Variants in BCL2L14 observed in about 807,000 individuals in gnomAD.
The protein encoded by BCL2L14 is BCL2 like 14.
Under a neutral mutation model 35.3 loss-of-function variants are expected in BCL2L14, and 27 were observed. That is an observed-to-expected ratio of 0.76 (90% CI 0.56 to 1.05). The LOEUF is 1.05. Among genes scored for constraint, BCL2L14 ranks in the 50% least tolerant of loss-of-function variants. BCL2L14 has a pLI of 0.00. For missense variants in BCL2L14, 377 were observed against 382.6 expected (o/e 0.99, Z 0.12); for synonymous variants, 139 against 145.9 (o/e 0.95, Z 0.34).
intron 2 of BCL2L14, among the ~76,000 whole-genome samples, chr12:12,057,313 CAAAT>C (rs1402998980): frequency 6.6e-6 from 1 of 152,158 alleles, no homozygotes; most frequent in African/African-American, 2.4e-5. Flanking sequence ...TAATCAAAAG[CAAAT>C]AAATAAGCAT....
At chr12:12,092,432 C>T (rs1009853314) in intron 4 of BCL2L14, among the ~76,000 whole-genome samples, 2 of 152,146 alleles carry the variant, frequency 1.3e-5, no homozygotes, top group South Asian at 2.1e-4. Context: ...TTGTGCTGGG[C>T]GGGTGCCAAG....
chr12:12,051,650 ATCTTCTC>A (rs780183163), intron 1 of BCL2L14: 1 of 152,214 alleles, frequency 6.6e-6, no homozygotes, highest in South Asian at 2.1e-4. Context: ...TTCCTCCTAA[ATCTTCTC>A]TCTTCTAAGA....
intron 2 of BCL2L14, among the ~76,000 whole-genome samples, chr12:12,060,903 G>A (rs182937000): frequency 0.86 from 41,445 of 48,270 alleles, 19,027 homozygotes; most frequent in East Asian, 0.99. Context: ...CATCACAGAT[G>A]CCGAGCTTTA....
At chr12:12,072,118 A>G (rs1232392951) in intron 1 of BCL2L14, 1 of 152,296 alleles carries the variant, frequency 6.6e-6, no homozygotes, top group Admixed American at 6.5e-5. Context: ...AGGCAGAGGC[A>G]CAGCGAACCA....
chr12:12,095,624 A>T, intron 5 of BCL2L14: 2 of 985,372 alleles, frequency 2.0e-6, no homozygotes, highest in Non-Finnish European at 2.4e-6. Flanking sequence ...CAACAGGCCT[A>T]GGCATTCCTA....
At chr12:12,065,711 C>T (rs1433873828) in intron 2 of BCL2L14, among the ~76,000 whole-genome samples, 1 of 151,984 alleles carries the variant, frequency 6.6e-6, no homozygotes, top group Middle Eastern at 3.2e-3. Context: ...GCTTAAGAGT[C>T]CAGAGTTGTC....
At chr12:12,088,839 A>C (rs1949104589) in intron 3 of BCL2L14, among the ~76,000 whole-genome samples, 1 of 152,138 alleles carries the variant, frequency 6.6e-6, no homozygotes, top group South Asian at 2.1e-4. Flanking sequence ...GGCTCAGGGG[A>C]CCGTGTGAAG....
At chr12:12,066,338 G>C (rs2900235), upstream of BCL2L14, among the ~76,000 whole-genome samples, 9,063 of 152,164 alleles carry the variant, frequency 0.06, 282 homozygotes, top group African/African-American at 0.073. Flanking sequence ...AAGGATAAAT[G>C]TCAAACCCCA....
At chr12:12,069,141 T>TA (rs1218230030), upstream of BCL2L14, among the ~76,000 whole-genome samples, 1 of 152,182 alleles carries the variant, frequency 6.6e-6, no homozygotes, top group Non-Finnish European at 1.5e-5. Flanking sequence ...TTGGTTTTGA[T>TA]AGATTTGGGC....
chr12:12,057,486 G>C (rs948431982), intron 2 of BCL2L14, among the ~76,000 whole-genome samples: 1 of 152,130 alleles, frequency 6.6e-6, no homozygotes, highest in Non-Finnish European at 1.5e-5. Context: ...AGCCGGGCTC[G>C]GTGGCTCACG....
At chr12:12,062,722 T>G (rs1306529521) in intron 2 of BCL2L14, among the ~76,000 whole-genome samples, 1 of 152,138 alleles carries the variant, frequency 6.6e-6, no homozygotes, top group Non-Finnish European at 1.5e-5. Context: ...GCCACCGCAG[T>G]CATTTCTTCC....
intron 2 of BCL2L14, among the ~76,000 whole-genome samples, chr12:12,057,039 T>C (rs1400778691): frequency 7.5e-6 from 1 of 133,274 alleles, no homozygotes; most frequent in Non-Finnish European, 1.8e-5. Context: ...GCAAATATTT[T>C]ATTTAACTAA....
chr12:12,098,329 A>C (rs925856682), intron 5 of BCL2L14, among the ~76,000 whole-genome samples: 1 of 152,210 alleles, frequency 6.6e-6, no homozygotes, highest in African/African-American at 2.4e-5. Context: ...ATTTCATATG[A>C]GTACATCTCA....
At chr12:12,088,152 G>A (rs1238521343) in intron 3 of BCL2L14, among the ~76,000 whole-genome samples, 3 of 152,166 alleles carry the variant, frequency 2.0e-5, no homozygotes, top group East Asian at 3.8e-4. Context: ...TGAGTTTAGC[G>A]GCAGAGGTTT....
chr12:12,079,687 C>G lies in BCL2L14; in HGVS notation c.382C>G (p.Gln128Glu). ...GTTGGAATACCAAGATTCGCACAGC[C>G]AGCAGTGGTCCAGGTGTCTTTCTAA... The part of the protein sequence containing the change: ...RTLEYQDSHS[Q>E]QWSRCLSNVE... Residue 128 changes from glutamine (Q) to glutamate (E), a missense_variant, in exon 2 of 6, where the codon CAG (glutamine) becomes GAG (glutamate). Transcript: ENST00000308721. 1 of 1,614,208 alleles carries G rather than the reference C, an allele frequency of 6.2e-7. No homozygotes were observed. Among genetic ancestry groups the G allele is most frequent in the Non-Finnish European group, 8.5e-7 (1 of 1,180,052 alleles).
At chr12:12,089,525 A>C (rs1162652245) in intron 3 of BCL2L14, among the ~76,000 whole-genome samples, 4 of 152,030 alleles carry the variant, frequency 2.6e-5, no homozygotes, top group Middle Eastern at 3.4e-3. Flanking sequence ...GCAAAACCCT[A>C]TCTCTACTAA....
intron 4 of BCL2L14, among the ~76,000 whole-genome samples, chr12:12,094,259 T>C (rs1312896310): frequency 6.6e-6 from 1 of 152,170 alleles, no homozygotes; most frequent in Non-Finnish European, 1.5e-5. Flanking sequence ...GCCAAGACAG[T>C]GATTCCTAAG....
intron 2 of BCL2L14, among the ~76,000 whole-genome samples, chr12:12,082,674 T>G (rs1000030616): frequency 4.6e-5 from 7 of 152,318 alleles, no homozygotes; most frequent in African/African-American, 1.7e-4. Flanking sequence ...TTAGGTGATG[T>G]GTTAATGTGC....
rs767319962 is a variant in BCL2L14, at chr12:12,094,979, T to C, written c.945+49T>C. The C allele has an allele frequency of 1.0e-5, 16 of 1,552,162 alleles. No individual in the cohort carries two copies. The South Asian group carries it at 1.8e-4, about 18-fold the overall frequency. On this transcript the variant is annotated intron_variant, in intron 5 of 5. Coordinates refer to ENST00000308721, the MANE Select transcript of BCL2L14 (RefSeq NM_138723.2). ...AAATTTTCTCAGAACTCAGAAGAGA[T>C]GGGATGGATTTTTTTTTTTTTTTTA...
Sources: gnomAD v4.1 joint callset for allele counts (sites outside exome capture counted in the v4.1 genomes callset) on GRCh38, gnomAD v4.1.1 for gene constraint, MANE v1.5 for transcripts, NCBI Gene and HGNC (gene_info 2026-07-23, HGNC 2026-07-21) for gene names.